Variants in PLD5 observed in about 807,000 individuals in gnomAD.
The protein encoded by PLD5 is phospholipase D family member 5, also known as inactive phospholipase D5.
PLD5 carries 36 observed loss-of-function variants against 61.1 expected under a neutral mutation model. The observed-to-expected ratio is 0.59, with a 90% CI of 0.45 to 0.78. The LOEUF (loss-of-function observed/expected upper bound fraction) is 0.78, where lower values mean the gene tolerates loss of function less well. Among genes scored for constraint, PLD5 ranks in the 30% least tolerant of loss-of-function variants. The pLI, the probability that PLD5 is intolerant of heterozygous loss-of-function variation, is 0.00. For synonymous variants in PLD5, 243 were observed against 242.8 expected (o/e 1.00, Z -0.01); for missense variants, 515 against 644.4 (o/e 0.80, Z 2.17).
At chr1:242,520,331 C>T (rs898738467) in intron 1 of PLD5, among the ~76,000 whole-genome samples, 4 of 152,164 alleles carry the variant, frequency 2.6e-5, no homozygotes, top group South Asian at 2.1e-4. Context: ...AGTATACTTT[C>T]GTGGTGTCCG....
chr1:242,401,329 C>G (rs1446532041), intron 1 of PLD5, among the ~76,000 whole-genome samples: 1 of 152,130 alleles, frequency 6.6e-6, no homozygotes, highest in Non-Finnish European at 1.5e-5. Flanking sequence ...GTTGCAACAG[C>G]CTTCTGTGTC....
intron 8 of PLD5, among the ~76,000 whole-genome samples, chr1:242,106,581 G>C (rs540871348): frequency 3.3e-5 from 5 of 152,262 alleles, no homozygotes; most frequent in African/African-American, 9.6e-5. Context: ...AAGGCTAAAG[G>C]GATGTTCCCT....
chr1:242,175,487 A>G (rs1025562236), intron 5 of PLD5, among the ~76,000 whole-genome samples: 1 of 152,208 alleles, frequency 6.6e-6, no homozygotes, highest in Non-Finnish European at 1.5e-5. Context: ...ACCCACATCA[A>G]TATCATCTGG....
At chr1:242,506,575 A>G (rs1299788372) in intron 1 of PLD5, among the ~76,000 whole-genome samples, 1 of 152,224 alleles carries the variant, frequency 6.6e-6, no homozygotes, top group Admixed American at 6.5e-5. Flanking sequence ...GCACTGGTAG[A>G]GAGGGGCAAC....
At chr1:242,515,751 C>T (rs995358124) in intron 1 of PLD5, among the ~76,000 whole-genome samples, 9 of 152,134 alleles carry the variant, frequency 5.9e-5, no homozygotes, top group South Asian at 2.1e-4. Context: ...AATAATGCTT[C>T]GGTAAGCATT....
intron 8 of PLD5, among the ~76,000 whole-genome samples, chr1:242,104,288 T>C (rs1364736404): frequency 6.7e-6 from 1 of 148,620 alleles, no homozygotes; most frequent in African/African-American, 2.5e-5. Flanking sequence ...CACACCTGGC[T>C]AGTTTTTGCT....
At chr1:242,415,340 A>C (rs1037915189) in intron 1 of PLD5, among the ~76,000 whole-genome samples, 1 of 152,156 alleles carries the variant, frequency 6.6e-6, no homozygotes, top group Non-Finnish European at 1.5e-5. Context: ...GCCTAGAAAC[A>C]ACCCATCAGC....
intron 5 of PLD5, among the ~76,000 whole-genome samples, chr1:242,160,622 C>T (rs922244083): frequency 2.0e-5 from 3 of 152,148 alleles, no homozygotes; most frequent in African/African-American, 2.4e-5. Context: ...TGTGGTGGCT[C>T]TCGCCTGTAA....
chr1:242,442,253 T>C (rs936010314), intron 1 of PLD5, among the ~76,000 whole-genome samples: 1 of 152,206 alleles, frequency 6.6e-6, no homozygotes, highest in African/African-American at 2.4e-5. Context: ...TTTTGTAAAC[T>C]TCACATACTC....
At chr1:242,208,624 G>A (rs1574519244) in intron 5 of PLD5, among the ~76,000 whole-genome samples, 1 of 152,270 alleles carries the variant, frequency 6.6e-6, no homozygotes, top group Non-Finnish European at 1.5e-5. Flanking sequence ...ATCTTGGGCT[G>A]GCTGGTCAGT....
In PLD5 at chr1:242,493,130, A is replaced by T. The variant is rs12128054; in HGVS notation, c.189+30958T>A. ...TTACTCTAATAGTTTAGGATATCTC[A>T]CAAAACCATAAAAGTTGGCAATTTT... On this transcript the variant is annotated intron_variant, in intron 1 of 9. Transcript: ENST00000536534. Among the ~76,000 whole-genome samples the T allele has an allele frequency of 1.2e-3, 185 of 152,152 alleles. 1 individual carries two copies. Among genetic ancestry groups the T allele is most frequent in the African/African-American group, 4.3e-3 (179 of 41,496 alleles).
intron 7 of PLD5, among the ~76,000 whole-genome samples, chr1:242,110,263 G>C (rs1418551657): frequency 6.6e-6 from 1 of 151,886 alleles, no homozygotes; most frequent in Non-Finnish European, 1.5e-5. Flanking sequence ...GGGCCAAGGG[G>C]AGGAAGAGTG....
chr1:242,246,071 G>A (rs1017529872), intron 4 of PLD5, among the ~76,000 whole-genome samples: 1 of 152,092 alleles, frequency 6.6e-6, no homozygotes, highest in African/African-American at 2.4e-5. Context: ...TAGAAATCAG[G>A]AGACTGAAGT....
At chr1:242,259,617 A>G (rs2149095481) in intron 4 of PLD5, among the ~76,000 whole-genome samples, 1 of 152,240 alleles carries the variant, frequency 6.6e-6, no homozygotes, top group South Asian at 2.1e-4. Flanking sequence ...CTTCTAGGTC[A>G]CTGATTCTAA....
At chr1:242,482,655 C>T (rs1454569011) in intron 1 of PLD5, among the ~76,000 whole-genome samples, 1 of 152,156 alleles carries the variant, frequency 6.6e-6, no homozygotes, top group Non-Finnish European at 1.5e-5. Context: ...TCCAGGAGAA[C>T]TTCCCCAACC....
At chr1:242,437,968 T>C (rs913487367) in intron 1 of PLD5, among the ~76,000 whole-genome samples, 8 of 152,202 alleles carry the variant, frequency 5.3e-5, no homozygotes, top group Non-Finnish European at 1.2e-4. Flanking sequence ...TAGAGAAGTA[T>C]TACCTCTTCC....
At chr1:242,478,000 A>G (rs1667651700) in intron 1 of PLD5, among the ~76,000 whole-genome samples, 1 of 152,206 alleles carries the variant, frequency 6.6e-6, no homozygotes, top group Admixed American at 6.5e-5. Flanking sequence ...AGGTGTCCTT[A>G]TTGTCTCTAC....
intron 1 of PLD5, among the ~76,000 whole-genome samples, chr1:242,509,483 G>C (rs1442795797): frequency 6.6e-6 from 1 of 152,200 alleles, no homozygotes; most frequent in Non-Finnish European, 1.5e-5. Context: ...CTAGTTATCA[G>C]CGGGGATATT....
intron 3 of PLD5, among the ~76,000 whole-genome samples, chr1:242,274,613 G>A (rs1158788528): frequency 1.3e-5 from 2 of 152,306 alleles, no homozygotes; most frequent in East Asian, 3.9e-4. Flanking sequence ...AATTAGCCAG[G>A]TGTGGTGGCG....
Sources: allele counts gnomAD v4.1 joint callset (sites outside exome capture counted in the v4.1 genomes callset), GRCh38; gene constraint gnomAD v4.1.1; transcripts MANE v1.5; gene names NCBI Gene and HGNC (gene_info 2026-07-23, HGNC 2026-07-21).